Variants in LINGO2 observed in about 807,000 individuals in gnomAD.
The protein encoded by LINGO2 is leucine-rich repeat and immunoglobulin-like domain-containing nogo receptor-interacting protein 2.
Under a neutral mutation model 30.6 loss-of-function variants are expected in LINGO2, and 14 were observed. The ratio of observed to expected loss-of-function variants is 0.46; its 90% CI spans 0.30 to 0.72. LINGO2 has a LOEUF of 0.72. LINGO2 is among the 30% of genes least tolerant of loss of function. The pLI is 0.07. For synonymous variants in LINGO2, 317 were observed against 288.5 expected, an observed-to-expected ratio of 1.10 and a Z score of -1.00; for missense variants, 729 against 751.7, an observed-to-expected ratio of 0.97 and a Z score of 0.35.
intron 2 of LINGO2, among the ~76,000 whole-genome samples, chr9:28,391,315 C>T (rs1464614209): frequency 2.0e-5 from 3 of 152,106 alleles, no homozygotes; most frequent in Non-Finnish European, 1.5e-5. Context: ...GAAATTAGAG[C>T]TTATATCTAA....
chr9:28,815,236 T>C, the LINGO2 span, among the ~76,000 whole-genome samples: 4 of 152,190 alleles, frequency 2.6e-5, no homozygotes, highest in African/African-American at 4.8e-5. Context: ...GCGAAATTCC[T>C]GAGAAGGAGC....
intron 1 of LINGO2, among the ~76,000 whole-genome samples, chr9:28,577,572 A>G (rs1229438280): frequency 6.6e-6 from 1 of 152,126 alleles, no homozygotes; most frequent in Non-Finnish European, 1.5e-5. Flanking sequence ...CCCATTTAGC[A>G]GGCTCTATGT....
At chr9:28,766,034 G>C in the LINGO2 span, among the ~76,000 whole-genome samples, 1 of 151,946 alleles carries the variant, frequency 6.6e-6, no homozygotes, top group South Asian at 2.1e-4. Flanking sequence ...ATAGACCTTG[G>C]CAGTGATTTT....
At chr9:27,949,766 A>C (rs751633095) in exon 6 of LINGO2, 1 of 1,614,106 alleles carries the variant, frequency 6.2e-7, no homozygotes, top group Non-Finnish European at 8.5e-7. Context: ...CCACTATATG[A>C]AGCTCCTGAA....
At chr9:28,377,147 C>T (rs1385402610) in intron 2 of LINGO2, among the ~76,000 whole-genome samples, 2 of 152,126 alleles carry the variant, frequency 1.3e-5, no homozygotes, top group Admixed American at 6.5e-5. Flanking sequence ...TGCACTTATA[C>T]ATGGAAATTT....
At chr9:28,706,515 T>C in the LINGO2 span, among the ~76,000 whole-genome samples, 1 of 152,160 alleles carries the variant, frequency 6.6e-6, no homozygotes, top group Non-Finnish European at 1.5e-5. Flanking sequence ...CTAGAAAACT[T>C]GTTTTAAAAT....
At chr9:28,443,525 G>T (rs988427753) in intron 2 of LINGO2, among the ~76,000 whole-genome samples, 4 of 152,216 alleles carry the variant, frequency 2.6e-5, no homozygotes, top group African/African-American at 9.6e-5. Flanking sequence ...CCTCAGGCTT[G>T]ATGTGCCTGC....
At chr9:28,986,393 T>G in the LINGO2 span, among the ~76,000 whole-genome samples, 188 of 152,240 alleles carry the variant, frequency 1.2e-3, no homozygotes, top group African/African-American at 4.3e-3. Context: ...TTACAACTTT[T>G]GTCTCTTTCT....
chr9:28,845,545 A>G, the LINGO2 span, among the ~76,000 whole-genome samples: 3 of 151,894 alleles, frequency 2.0e-5, no homozygotes, highest in African/African-American at 7.3e-5. Context: ...GTTCCAATTC[A>G]AAGAGGAATA....
intron 1 of LINGO2, among the ~76,000 whole-genome samples, chr9:28,648,390 C>T (rs563553499): frequency 1.3e-5 from 2 of 152,162 alleles, no homozygotes; most frequent in South Asian, 2.1e-4. Context: ...CTCTAAGGAT[C>T]GGTCAATGCA....
chr9:28,744,641 T>TGTGTG, the LINGO2 span, among the ~76,000 whole-genome samples: 1 of 104,054 alleles, frequency 9.6e-6, no homozygotes, highest in Non-Finnish European at 2.0e-5. Flanking sequence ...TGTGTGTGTA[T>TGTGTG]TTTTTTTTTT....
chr9:29,112,814 C>T, the LINGO2 span, among the ~76,000 whole-genome samples: 1 of 152,232 alleles, frequency 6.6e-6, no homozygotes, highest in South Asian at 2.1e-4. Flanking sequence ...ACATTGAAAG[C>T]TGATAAGAAA....
At chr9:28,047,030 C>G (rs561304908) in intron 4 of LINGO2, among the ~76,000 whole-genome samples, 4 of 152,134 alleles carry the variant, frequency 2.6e-5, no homozygotes, top group Non-Finnish European at 5.9e-5. Flanking sequence ...CTAGCAGCCC[C>G]TAAGTAATGC....
At chr9:27,994,994 C>G (rs1274113616) in intron 5 of LINGO2, among the ~76,000 whole-genome samples, 3 of 152,104 alleles carry the variant, frequency 2.0e-5, no homozygotes, top group African/African-American at 7.2e-5. Context: ...AATACTTTCT[C>G]TAAGTAACAC....
At chr9:28,371,500 C>G (rs1319794616) in intron 3 of LINGO2, among the ~76,000 whole-genome samples, 1 of 152,142 alleles carries the variant, frequency 6.6e-6, no homozygotes, top group African/African-American at 2.4e-5. Flanking sequence ...TATAAGGGCA[C>G]TAATCCCTTT....
chr9:28,832,308 C>T, the LINGO2 span, among the ~76,000 whole-genome samples: 2 of 152,190 alleles, frequency 1.3e-5, no homozygotes, highest in Non-Finnish European at 2.9e-5. Context: ...CTGCTGATGA[C>T]AGTTTTATTT....
the LINGO2 span, among the ~76,000 whole-genome samples, chr9:28,908,804 A>C: frequency 6.6e-6 from 1 of 151,932 alleles, no homozygotes; most frequent in Non-Finnish European, 1.5e-5. Context: ...GTTCCTCTTC[A>C]GCCTTTGCTA....
intron 4 of LINGO2, among the ~76,000 whole-genome samples, chr9:28,025,891 G>A (rs1399127891): frequency 2.0e-5 from 3 of 152,168 alleles, no homozygotes; most frequent in Non-Finnish European, 2.9e-5. Flanking sequence ...TAGTGCCAAA[G>A]TAGTAATTTA....
At chr9:28,902,840 G>A in the LINGO2 span, among the ~76,000 whole-genome samples, 7 of 151,446 alleles carry the variant, frequency 4.6e-5, no homozygotes, top group African/African-American at 1.7e-4. Context: ...AAATGAAAAC[G>A]AAAATAAAAT....
Sources: allele counts gnomAD v4.1 joint callset (sites outside exome capture counted in the v4.1 genomes callset), GRCh38; gene constraint gnomAD v4.1.1; transcripts MANE v1.5; gene names NCBI Gene and HGNC (gene_info 2026-07-23, HGNC 2026-07-21).